Variants in KCNQ5 observed in about 807,000 individuals in gnomAD.
The protein encoded by KCNQ5 is potassium voltage-gated channel subfamily KQT member 5.
Under a neutral mutation model 98.2 loss-of-function variants are expected in KCNQ5, and 30 were observed. That is an observed-to-expected ratio of 0.31 (90% CI 0.23 to 0.41). KCNQ5 has a LOEUF of 0.41. KCNQ5 is among the 10% of genes least tolerant of loss of function. The pLI, the probability that KCNQ5 is intolerant of heterozygous loss-of-function variation, is 1.00. For missense variants in KCNQ5, 835 were observed against 1,182.5 expected (o/e 0.71, Z 4.31); for synonymous variants, 458 against 449.4 (o/e 1.02, Z -0.24).
intron 1 of KCNQ5, among the ~76,000 whole-genome samples, chr6:72,933,051 A>C (rs1765759558): frequency 6.6e-6 from 1 of 152,220 alleles, no homozygotes; most frequent in Non-Finnish European, 1.5e-5. Context: ...ATAAAAAACA[A>C]ATTCAATGTC....
intron 7 of KCNQ5, among the ~76,000 whole-genome samples, chr6:73,117,731 C>T (rs1775565171): frequency 6.6e-6 from 1 of 152,218 alleles, no homozygotes; most frequent in South Asian, 2.1e-4. Context: ...CCGTCTGTGT[C>T]ATCACAACAT....
intron 1 of KCNQ5, among the ~76,000 whole-genome samples, chr6:72,750,995 A>G (rs868047420): frequency 1.3e-5 from 2 of 152,066 alleles, no homozygotes; most frequent in African/African-American, 4.8e-5. Context: ...TTGCTCAGAT[A>G]GAGCTGGTAC....
chr6:72,648,494 A>G (rs895156059), intron 1 of KCNQ5, among the ~76,000 whole-genome samples: 10 of 152,258 alleles, frequency 6.6e-5, no homozygotes, highest in Non-Finnish European at 1.0e-4. Flanking sequence ...AGGTGCAAAA[A>G]CATTTTTATA....
intron 1 of KCNQ5, among the ~76,000 whole-genome samples, chr6:72,822,220 C>T (rs1368236841): frequency 6.6e-6 from 1 of 152,148 alleles, no homozygotes; most frequent in African/African-American, 2.4e-5. Context: ...CCCAGGCCAC[C>T]CCACCCTGCA....
intron 1 of KCNQ5, among the ~76,000 whole-genome samples, chr6:72,784,126 G>A (rs1338484377): frequency 6.6e-6 from 1 of 151,964 alleles, no homozygotes; most frequent in Non-Finnish European, 1.5e-5. Flanking sequence ...AACCCTTCTG[G>A]CCAAGGGTCG....
intron 7 of KCNQ5, among the ~76,000 whole-genome samples, chr6:73,117,092 G>C (rs1051830332): frequency 6.6e-6 from 1 of 152,112 alleles, no homozygotes. Flanking sequence ...TTGTTGATTT[G>C]TCCTTTGAAT....
intron 1 of KCNQ5, among the ~76,000 whole-genome samples, chr6:72,854,548 T>C (rs1777437831): frequency 6.6e-6 from 1 of 151,880 alleles, no homozygotes; most frequent in South Asian, 2.1e-4. Flanking sequence ...ATGTCTATCA[T>C]TAAGTCTTAA....
chr6:73,068,489 G>A (rs1773164378), intron 3 of KCNQ5, among the ~76,000 whole-genome samples: 1 of 152,122 alleles, frequency 6.6e-6, no homozygotes, highest in Admixed American at 6.6e-5. Flanking sequence ...TAGCTCAAAT[G>A]TATGTTAGTA....
In KCNQ5 at chr6:73,106,623, G is replaced by C. The variant is rs190938549; in HGVS notation, c.1029+1256G>C. Among the ~76,000 whole-genome samples, 323 of 152,218 alleles carry C rather than the reference G, an allele frequency of 2.1e-3. 2 individuals carry two copies. The highest frequency in any genetic ancestry group is 6.3e-3 in the African/African-American group (261 of 41,518). On this transcript the variant is annotated intron_variant, in intron 6 of 13. Coordinates refer to ENST00000370398, the MANE Select transcript of KCNQ5 (RefSeq NM_019842.4). The stretch of plus-strand genomic sequence containing the variant: ...ATTTCTACTTCCTAGAAGAACACCA[G>C]TCATATTTGATTAGGGTCCATCCTA...
intron 1 of KCNQ5, among the ~76,000 whole-genome samples, chr6:72,773,414 GACACAGGGAGGGGAATATC>G (rs1773005187): frequency 6.6e-6 from 1 of 152,096 alleles, no homozygotes; most frequent in Admixed American, 6.6e-5. Flanking sequence ...AGAACACATG[GACACAGGGAGGGGAATATC>G]ACACACCAGG....
chr6:72,980,467 G>A (rs545257043), intron 1 of KCNQ5, among the ~76,000 whole-genome samples: 3 of 151,618 alleles, frequency 2.0e-5, no homozygotes, highest in Admixed American at 1.3e-4. Context: ...TCATGATTTG[G>A]CTCTGTTTGT....
chr6:72,869,760 T>C (rs1025462513), intron 1 of KCNQ5, among the ~76,000 whole-genome samples: 2 of 152,226 alleles, frequency 1.3e-5, no homozygotes, highest in South Asian at 2.1e-4. Flanking sequence ...TTTTCACTCC[T>C]ATGCCTTCCT....
chr6:72,898,336 C>T (rs540375756), intron 1 of KCNQ5, among the ~76,000 whole-genome samples: 180 of 152,240 alleles, frequency 1.2e-3, no homozygotes, highest in African/African-American at 3.4e-3. Flanking sequence ...TCCCCACCCC[C>T]GGCTATAGGC....
intron 1 of KCNQ5, among the ~76,000 whole-genome samples, chr6:72,687,571 G>A (rs181533620): frequency 1.1e-3 from 170 of 152,238 alleles, no homozygotes; most frequent in Non-Finnish European, 1.0e-3. Context: ...ATTTGGACTG[G>A]GAAGAACATT....
chr6:72,963,316 G>T (rs1207367587), intron 1 of KCNQ5, among the ~76,000 whole-genome samples: 1 of 152,112 alleles, frequency 6.6e-6, no homozygotes, highest in Non-Finnish European at 1.5e-5. Context: ...CTGCATATAC[G>T]GAATTCATAC....
At chr6:72,765,078 A>G (rs965631117) in intron 1 of KCNQ5, among the ~76,000 whole-genome samples, 4 of 152,136 alleles carry the variant, frequency 2.6e-5, no homozygotes, top group African/African-American at 7.2e-5. Context: ...TGCTGCAACA[A>G]CATAGGAATG....
chr6:72,622,771 C>G lies in KCNQ5; in HGVS notation c.398+184C>G, dbSNP rs994354347. On this transcript the variant is annotated intron_variant, in intron 1 of 13. Transcript: ENST00000370398. This position sits in a 1 kb window ranked among gnomAD's most constrained non-coding sequence, Gnocchi z 6.0. ...TCCCCTCCCCCAGCCCCACTTCTCT[C>G]ATCTCTACAGCTTGAACCTTTTCCC... Among the ~76,000 whole-genome samples the G allele has an allele frequency of 6.6e-6, 1 of 152,176 alleles. No individual in the cohort carries two copies. The highest frequency in any genetic ancestry group is 2.4e-5 in the African/African-American group (1 of 41,462).
intron 1 of KCNQ5, among the ~76,000 whole-genome samples, chr6:72,794,395 G>C (rs935187417): frequency 6.6e-6 from 1 of 151,856 alleles, no homozygotes; most frequent in Admixed American, 6.6e-5. Context: ...TCATAAACCT[G>C]GCACCAAATT....
intron 1 of KCNQ5, among the ~76,000 whole-genome samples, chr6:72,678,194 G>A (rs1472239868): frequency 6.6e-6 from 1 of 152,122 alleles, no homozygotes; most frequent in Admixed American, 6.6e-5. Context: ...ATTGCTAGGA[G>A]AAGAAATAAT....
Sources: allele counts gnomAD v4.1 joint callset (sites outside exome capture counted in the v4.1 genomes callset), GRCh38; gene constraint gnomAD v4.1.1; non-coding constraint Gnocchi (gnomAD v3.1); transcripts MANE v1.5; gene names NCBI Gene and HGNC (gene_info 2026-07-23, HGNC 2026-07-21).